Variants in ENTREP2 observed in about 807,000 individuals in gnomAD.
The protein encoded by ENTREP2 is protein ENTREP2.
At chr15:29,597,331 G>A in the ENTREP2 span, among the ~76,000 whole-genome samples, 1 of 152,120 alleles carries the variant, frequency 6.6e-6, no homozygotes, top group African/African-American at 2.4e-5. Context: ...CACTTTGGGA[G>A]GCTGAGGCAG....
At chr15:29,164,579 A>C in the ENTREP2 span, among the ~76,000 whole-genome samples, 1 of 152,234 alleles carries the variant, frequency 6.6e-6, no homozygotes, top group African/African-American at 2.4e-5. Flanking sequence ...AAAAGAGACA[A>C]AGTGGGACAT....
the ENTREP2 span, among the ~76,000 whole-genome samples, chr15:29,292,527 C>A: frequency 2.0e-5 from 3 of 152,020 alleles, no homozygotes; most frequent in East Asian, 5.8e-4. Flanking sequence ...ATTACAGGCA[C>A]GTGCCACTAC....
chr15:29,487,420 T>C, the ENTREP2 span, among the ~76,000 whole-genome samples: 1 of 152,204 alleles, frequency 6.6e-6, no homozygotes, highest in East Asian at 1.9e-4. Context: ...TCCATACAGA[T>C]AAGCGGTCAG....
the ENTREP2 span, among the ~76,000 whole-genome samples, chr15:29,132,015 C>T: frequency 6.8e-6 from 1 of 147,938 alleles, no homozygotes; most frequent in Non-Finnish European, 1.5e-5. Context: ...CTCGTGGAGG[C>T]CGCCCCCTCT....
chr15:29,424,092 C>G, the ENTREP2 span, among the ~76,000 whole-genome samples: 2 of 152,154 alleles, frequency 1.3e-5, no homozygotes, highest in Non-Finnish European at 2.9e-5. Flanking sequence ...TTCCTTCCCA[C>G]GGGTTTGTGC....
chr15:29,156,343 G>C, the ENTREP2 span, among the ~76,000 whole-genome samples: 25,924 of 151,788 alleles, frequency 0.17, 3,507 homozygotes, highest in African/African-American at 0.37. Flanking sequence ...CGCCACCATG[G>C]CTGGCTAATT....
chr15:29,212,788 A>C, the ENTREP2 span, among the ~76,000 whole-genome samples: 11 of 152,198 alleles, frequency 7.2e-5, no homozygotes, highest in Admixed American at 7.2e-4. Flanking sequence ...GAAGCTCTTT[A>C]GTTTAATTAG....
chr15:29,261,818 AC>A, the ENTREP2 span, among the ~76,000 whole-genome samples: 1 of 152,112 alleles, frequency 6.6e-6, no homozygotes, highest in Non-Finnish European at 1.5e-5. Context: ...TAACAAAAAT[AC>A]ATCTGAGAAT....
the ENTREP2 span, among the ~76,000 whole-genome samples, chr15:29,541,850 C>A: frequency 6.6e-6 from 1 of 152,198 alleles, no homozygotes; most frequent in African/African-American, 2.4e-5. Flanking sequence ...GCTGCTGGGG[C>A]TGACACAGTC....
the ENTREP2 span, among the ~76,000 whole-genome samples, chr15:29,602,234 A>T: frequency 2.3e-3 from 351 of 152,328 alleles, 2 homozygotes; most frequent in African/African-American, 8.1e-3. Context: ...GCTCACCCCA[A>T]GCACCTACTA....
the ENTREP2 span, among the ~76,000 whole-genome samples, chr15:29,635,106 G>A: frequency 6.6e-6 from 1 of 152,100 alleles, no homozygotes; most frequent in African/African-American, 2.4e-5. Context: ...GCCTCCCAAA[G>A]TGCTGGTATT....
chr15:29,268,968 G>A, the ENTREP2 span: 7 of 1,614,072 alleles, frequency 4.3e-6, no homozygotes, highest in South Asian at 5.5e-5. Context: ...ACTGGAATTC[G>A]TAGTCGACGG....
chr15:29,599,146 A>C, the ENTREP2 span, among the ~76,000 whole-genome samples: 7 of 152,242 alleles, frequency 4.6e-5, no homozygotes, highest in Non-Finnish European at 7.3e-5. Context: ...TGGATGTTAA[A>C]TCATGTGACT....
the ENTREP2 span, among the ~76,000 whole-genome samples, chr15:29,284,766 A>G: frequency 1.3e-5 from 2 of 152,018 alleles, no homozygotes; most frequent in African/African-American, 4.8e-5. Flanking sequence ...CTCTGTGAAT[A>G]CTCCAGGATA....
At chr15:29,672,389 T>C in the ENTREP2 span, among the ~76,000 whole-genome samples, 46 of 152,314 alleles carry the variant, frequency 3.0e-4, no homozygotes, top group African/African-American at 1.1e-3. Flanking sequence ...TGTCCAATTT[T>C]CAAATGGGTC....
At chr15:29,631,640 G>T in the ENTREP2 span, among the ~76,000 whole-genome samples, 2 of 152,188 alleles carry the variant, frequency 1.3e-5, no homozygotes, top group Non-Finnish European at 2.9e-5. Flanking sequence ...AGCTGTCTGC[G>T]CCAGACCTTC....
chr15:29,340,795 T>A, the ENTREP2 span, among the ~76,000 whole-genome samples: 22 of 152,182 alleles, frequency 1.4e-4, no homozygotes, highest in Non-Finnish European at 2.4e-4. Flanking sequence ...GATGGGTGGA[T>A]GAAAAAGTCC....
the ENTREP2 span, among the ~76,000 whole-genome samples, chr15:29,357,924 G>A: frequency 6.6e-6 from 1 of 151,570 alleles, no homozygotes; most frequent in Admixed American, 6.6e-5. Context: ...TGGAGATGCC[G>A]TGGCACACTC....
the ENTREP2 span, among the ~76,000 whole-genome samples, chr15:29,256,164 C>T: frequency 6.6e-6 from 1 of 152,010 alleles, no homozygotes; most frequent in African/African-American, 2.4e-5. Context: ...AAGATGGGGA[C>T]AACAGGCACT....
Sources: allele counts gnomAD v4.1 joint callset (sites outside exome capture counted in the v4.1 genomes callset), GRCh38; gene constraint gnomAD v4.1.1; transcripts MANE v1.5; gene names NCBI Gene and HGNC (gene_info 2026-07-23, HGNC 2026-07-21).